The following RHAG variants were observed in gnomAD, a reference collection of about 807,000 sequenced individuals.
The protein encoded by RHAG is ammonium transporter Rh type A.
Under a neutral mutation model 42.4 loss-of-function variants are expected in RHAG, and 25 were observed. That is an observed-to-expected ratio of 0.59 (90% CI 0.43 to 0.82). The LOEUF is 0.82. Ranked by LOEUF, RHAG falls within the 40% of genes least tolerant of loss-of-function variation. RHAG has a pLI of 0.00. For synonymous variants in RHAG, 182 were observed against 177.7 expected (o/e 1.02, Z -0.19); for missense variants, 483 against 504.6 (o/e 0.96, Z 0.41).
intron 1 of RHAG, among the ~76,000 whole-genome samples, chr6:49,636,186 C>T (rs1763007476): frequency 6.6e-6 from 1 of 152,084 alleles, no homozygotes; most frequent in South Asian, 2.1e-4. Context: ...GATTAAAACT[C>T]CATTAACTTC....
chr6:49,607,672 T>C (rs1480166250), intron 7 of RHAG, among the ~76,000 whole-genome samples: 5 of 152,212 alleles, frequency 3.3e-5, no homozygotes, highest in African/African-American at 2.4e-5. Flanking sequence ...TATATCTCTA[T>C]ATGTCATCTT....
intron 6 of RHAG, 95 bp downstream of exon 6, chr6:49,612,302 T>A: frequency 7.3e-7 from 1 of 1,367,310 alleles, no homozygotes; most frequent in Non-Finnish European, 1.0e-6. Context: ...AAAATGTTTA[T>A]AAAATAAAAC....
chr6:49,620,813 G>T (rs1762744442), intron 1 of RHAG, among the ~76,000 whole-genome samples: 1 of 152,164 alleles, frequency 6.6e-6, no homozygotes, highest in South Asian at 2.1e-4. Flanking sequence ...TTACAGGTGT[G>T]ACCCACCATG....
chr6:49,628,625 A>C (rs1447506947), intron 1 of RHAG, among the ~76,000 whole-genome samples: 1 of 150,814 alleles, frequency 6.6e-6, no homozygotes, highest in African/African-American at 2.5e-5. Context: ...GGTGAGTATT[A>C]CAGCTCTTAA....
intron 5 of RHAG, among the ~76,000 whole-genome samples, chr6:49,613,219 G>A (rs1042528617): frequency 7.9e-5 from 12 of 152,074 alleles, no homozygotes; most frequent in East Asian, 1.9e-4. Flanking sequence ...ACAGGTGCAC[G>A]CCACCATGTC....
In RHAG at chr6:49,618,086, C is replaced by A; in HGVS notation, c.474G>T (p.Leu158=). The A allele has an allele frequency of 6.2e-7, 1 of 1,613,858 alleles. No individual in the cohort carries two copies. The highest frequency in any genetic ancestry group is 8.5e-7 in the Non-Finnish European group (1 of 1,179,816). ...CTCTTACCTTAAATATTTCACTAAC[C>A]AGGTATTCATTGTGGGCAAAGAAAA... ...EIVFFAHNEY[L]VSEIFKASDI... Residue 158 remains leucine (L), a synonymous_variant, in exon 3 of 10, where the codon CTG becomes CTT. Coordinates refer to ENST00000371175, the MANE Select transcript of RHAG (RefSeq NM_000324.3).
chr6:49,621,035 A>C (rs977333217), intron 1 of RHAG, among the ~76,000 whole-genome samples: 10 of 152,158 alleles, frequency 6.6e-5, no homozygotes, highest in Non-Finnish European at 1.0e-4. Flanking sequence ...AGGGGTATAA[A>C]ATAACCGAAG....
At chr6:49,610,543 T>G (rs1222806805) in intron 7 of RHAG, among the ~76,000 whole-genome samples, 2 of 152,196 alleles carry the variant, frequency 1.3e-5, no homozygotes, top group East Asian at 3.9e-4. Flanking sequence ...GAGTGATACC[T>G]CAGAGGTCAC....
chr6:49,605,785 C>T lies in RHAG; in HGVS notation c.*28G>A, dbSNP rs1562010909. On this transcript the variant is annotated 3_prime_UTR_variant, in exon 10 of 10. Coordinates refer to ENST00000371175, the MANE Select transcript of RHAG (RefSeq NM_000324.3). ...ACTTCAGGTTCCAGCTGGCTGTGGT[C>T]ACCATGTCCATGGAACTGATTGTCA... 2 of 1,609,632 alleles carry T rather than the reference C, an allele frequency of 1.2e-6. No homozygotes were observed. Among genetic ancestry groups the T allele is most frequent in the Non-Finnish European group, 1.7e-6 (2 of 1,176,042 alleles).
chr6:49,625,030 G>A lies in RHAG; in HGVS notation c.158-5668C>T, dbSNP rs182022002. On this transcript the variant is annotated intron_variant, in intron 1 of 9. Transcript: ENST00000371175. ...CAGTGCCTTATCTTGGAAAACATCA[G>A]CAATTGCTTTGAATTCTACAATTTT... 2.4e-3 allele frequency among the ~76,000 whole-genome samples: 369 copies of A among 152,254 alleles called. 6 individuals are homozygous for A. In the Middle Eastern group the frequency reaches 0.034, roughly 14 times the overall value.
intron 7 of RHAG, among the ~76,000 whole-genome samples, chr6:49,610,241 T>TA (rs1257091925): frequency 3.3e-5 from 5 of 152,096 alleles, no homozygotes; most frequent in Admixed American, 3.3e-4. Flanking sequence ...ACACACAATT[T>TA]AAAAAAATTG....
At chr6:49,634,956 C>CTGTGTGTGTGTGTG (rs72452277) in intron 1 of RHAG, among the ~76,000 whole-genome samples, 42 of 129,740 alleles carry the variant, frequency 3.2e-4, no homozygotes, top group Middle Eastern at 3.7e-3. Flanking sequence ...GTGTGTACAC[C>CTGTGTGTGTGTGTG]TGTGTGTGTG....
chr6:49,615,692 C>A lies in RHAG; in HGVS notation c.572G>T (p.Arg191Leu). ...FGLAVAGILYRSGLRKGHENE... is the reference protein window; with the variant it reads ...FGLAVAGILYLSGLRKGHENE... Reference sequence around the variant, plus strand: ...TTCATGCCCCTTTCTCAGTCCAGATCGATACAAGATGCCTGCTACAGCCAA... The same window carrying A: ...TTCATGCCCCTTTCTCAGTCCAGATAGATACAAGATGCCTGCTACAGCCAA... Residue 191 changes from arginine (R) to leucine (L), a missense_variant, in exon 4 of 10, where the codon CGA becomes CTA. Arg to Leu is a moderately radical substitution (Grantham distance 102). Coordinates refer to ENST00000371175, the MANE Select transcript of RHAG (RefSeq NM_000324.3). The A allele has an allele frequency of 1.2e-6, 2 of 1,613,992 alleles. No homozygotes were observed. Among genetic ancestry groups the A allele is most frequent in the South Asian group, 1.1e-5 (1 of 91,060 alleles).
rs547741058 is a variant in RHAG at position 49,622,216 on chromosome 6, GTTT to G, written c.158-2857_158-2855del. Among the ~76,000 whole-genome samples the G allele has an allele frequency of 7.2e-4, 96 of 132,432 alleles. 2 individuals are homozygous for G. Among genetic ancestry groups the G allele is most frequent in the African/African-American group, 2.5e-3 (89 of 36,010 alleles). The allele number at this position is 132,432 out of a possible 152,430, so 86.9% of individuals were successfully genotyped here. A position where few individuals can be genotyped will look rare whatever the true frequency, so the allele number is the denominator to read the frequency against. ...TGAGTGGGTGTCACAAGATCTGATG[GTTT>G]TTTTTTTTTTTTTTTAGACAGAGTC... On this transcript the variant is annotated intron_variant, in intron 1 of 9. Coordinates refer to ENST00000371175, the MANE Select transcript of RHAG (RefSeq NM_000324.3).
At chr6:49,614,265 T>A (rs1581939826) in intron 5 of RHAG, among the ~76,000 whole-genome samples, 1 of 151,888 alleles carries the variant, frequency 6.6e-6, no homozygotes, top group Admixed American at 6.6e-5. Context: ...TAATCTCGGC[T>A]CACTGCAACC....
chr6:49,624,780 A>G (rs1004222591), intron 1 of RHAG, among the ~76,000 whole-genome samples: 9 of 152,158 alleles, frequency 5.9e-5, no homozygotes, highest in Non-Finnish European at 1.2e-4. Context: ...CATCTAACAC[A>G]CTTTTATGTT....
intron 4 of RHAG, 182 bp from the exon 5 acceptor site, chr6:49,615,035 C>A (rs1762630639): frequency 1.3e-5 from 8 of 595,444 alleles, no homozygotes; most frequent in South Asian, 8.5e-5. Context: ...GCAACTTCCA[C>A]CTCTCAGGTT....
Position 49,618,096 on chromosome 6 carries a change from T to C in RHAG, c.464A>G (p.Asn155Ser). 1.2e-6 allele frequency: 2 copies of C among 1,614,094 alleles called. No individual in the cohort carries two copies. Among genetic ancestry groups the C allele is most frequent in the Non-Finnish European group, 1.7e-6 (2 of 1,179,942 alleles). ...TILEIVFFAH[N>S]EYLVSEIFKA... ...AAATATTTCACTAACCAGGTATTCA[T>C]TGTGGGCAAAGAAAACAATTTCTAA... Residue 155 changes from asparagine to serine, a missense_variant, in exon 3 of 10, where the codon AAT (asparagine) becomes AGT (serine). Transcript: ENST00000371175.
At chr6:49,620,168 T>G (rs1359818115) in intron 1 of RHAG, among the ~76,000 whole-genome samples, 1 of 152,214 alleles carries the variant, frequency 6.6e-6, no homozygotes, top group Non-Finnish European at 1.5e-5. Context: ...TTCAATCACA[T>G]GACTGTGTGA....
Sources: gnomAD v4.1 joint callset for allele counts (sites outside exome capture counted in the v4.1 genomes callset) on GRCh38, gnomAD v4.1.1 for gene constraint, MANE v1.5 for transcripts, NCBI Gene and HGNC (gene_info 2026-07-23, HGNC 2026-07-21) for gene names.